The following FGGY variants were observed in gnomAD, a reference collection of about 807,000 sequenced individuals.
FGGY encodes FGGY carbohydrate kinase domain containing.
FGGY carries 72 observed loss-of-function variants against 71.3 expected under a neutral mutation model. That is an observed-to-expected ratio of 1.01 (90% CI 0.84 to 1.23). The LOEUF (loss-of-function observed/expected upper bound fraction) is 1.23. FGGY is among the 50% of genes most tolerant of loss of function. The pLI is 0.00. For synonymous variants in FGGY, 251 were observed against 250.3 expected, an observed-to-expected ratio of 1.00 and a Z score of -0.02; for missense variants, 668 against 682.3, an observed-to-expected ratio of 0.98 and a Z score of 0.23.
chr1:59,686,691 G>A (rs2097546856), intron 14 of FGGY, among the ~76,000 whole-genome samples: 1 of 151,790 alleles, frequency 6.6e-6, no homozygotes, highest in Non-Finnish European at 1.5e-5. Flanking sequence ...TTCATATTCA[G>A]CTTATCTAGT....
At chr1:59,478,836 T>A (rs1432600431) in intron 6 of FGGY, among the ~76,000 whole-genome samples, 1 of 152,148 alleles carries the variant, frequency 6.6e-6, no homozygotes, top group Non-Finnish European at 1.5e-5. Flanking sequence ...AGGCTAAGGA[T>A]GTACCTGCCA....
rs116240419 is a variant in FGGY at position 59,625,474 on chromosome 1, A to G, written c.1012-514A>G. 7.9e-3 allele frequency among the ~76,000 whole-genome samples: 1,197 copies of G among 152,040 alleles called. 18 individuals carry two copies. Among genetic ancestry groups the G allele is most frequent in the African/African-American group, 0.028 (1,143 of 41,480 alleles). ...GGCATCTCAATTTTTTTTAACTGAG[A>G]GTTTCAAAAAATTTTTTTAATGAGG... On this transcript the variant is annotated intron_variant, in intron 9 of 15. Transcript: ENST00000303721.
At chr1:59,648,720 G>C (rs1572615749) in intron 11 of FGGY, among the ~76,000 whole-genome samples, 1 of 151,124 alleles carries the variant, frequency 6.6e-6, no homozygotes. Context: ...TCTGATGGTA[G>C]TTTCTTTTGC....
intron 14 of FGGY, among the ~76,000 whole-genome samples, chr1:59,702,118 C>T (rs765965491): frequency 6.6e-6 from 1 of 152,136 alleles, no homozygotes; most frequent in African/African-American, 2.4e-5. Context: ...AAACCATCAG[C>T]TCTCGTGAGA....
At position 59,739,321 on chromosome 1, in the gene FGGY, T is replaced by C. The variant is rs145015795; in HGVS notation, c.1513-18610T>C. On this transcript the variant is annotated intron_variant, in intron 14 of 15. Coordinates refer to ENST00000303721, the MANE Select transcript of FGGY (RefSeq NM_018291.5). ...TTTTAATTGCTTGGTAGAGATAAGT[T>C]TGGCTTCTGCAAATAAACTAGCAAA... Among the ~76,000 whole-genome samples, 293 of 152,328 alleles carry C rather than the reference T, an allele frequency of 1.9e-3. 2 individuals are homozygous for C. The highest frequency in any genetic ancestry group is 6.7e-3 in the African/African-American group (278 of 41,566).
At chr1:59,627,102 G>A (rs2096864230) in intron 10 of FGGY, among the ~76,000 whole-genome samples, 1 of 151,864 alleles carries the variant, frequency 6.6e-6, no homozygotes, top group South Asian at 2.1e-4. Context: ...GTTGGCATGG[G>A]CAAAATGAAA....
chr1:59,573,417 A>G (rs954304671), intron 8 of FGGY, among the ~76,000 whole-genome samples: 1 of 152,106 alleles, frequency 6.6e-6, no homozygotes. Context: ...CAAATGGTTC[A>G]GAAAAACTAC....
chr1:59,650,807 T>G (rs1378615752), intron 11 of FGGY, among the ~76,000 whole-genome samples: 1 of 145,146 alleles, frequency 6.9e-6, no homozygotes, highest in Non-Finnish European at 1.5e-5. Context: ...TGAATGTGTT[T>G]GCTCTTGCTT....
chr1:59,298,265 C>T (rs554685260), intron 1 of FGGY, among the ~76,000 whole-genome samples: 1 of 152,190 alleles, frequency 6.6e-6, no homozygotes, highest in South Asian at 2.1e-4. Context: ...GACCTGATGG[C>T]CACTGGCCTG....
At chr1:59,708,243 CTTTTCCTCCCATTTCATTTTTT>C (rs1285849178) in intron 14 of FGGY, among the ~76,000 whole-genome samples, 1 of 152,152 alleles carries the variant, frequency 6.6e-6, no homozygotes, top group Non-Finnish European at 1.5e-5. Flanking sequence ...CCCATCTATT[CTTTTCCTCCCATTTCATTTTTT>C]TTTTCCTCAT....
intron 4 of FGGY, among the ~76,000 whole-genome samples, chr1:59,372,641 A>C (rs928800901): frequency 1.6e-4 from 25 of 152,344 alleles, no homozygotes; most frequent in Admixed American, 3.3e-4. Context: ...CTTGATGAAC[A>C]TTGATGCAAA....
chr1:59,499,299 G>GTTTTTTTTTTTTT (rs58170089), intron 6 of FGGY, among the ~76,000 whole-genome samples: 10,460 of 104,024 alleles, frequency 0.1, 1,377 homozygotes, highest in Non-Finnish European at 0.14. Flanking sequence ...TACTATGTTT[G>GTTTTTTTTTTTTT]TTTTTTTTTT....
At chr1:59,686,313 A>G (rs1230697480) in intron 14 of FGGY, among the ~76,000 whole-genome samples, 2 of 152,192 alleles carry the variant, frequency 1.3e-5, no homozygotes, top group Admixed American at 1.3e-4. Flanking sequence ...AAAGCTTTTT[A>G]CAAGCCTGGC....
At chr1:59,372,011 G>A (rs1393472264) in intron 4 of FGGY, among the ~76,000 whole-genome samples, 3 of 151,950 alleles carry the variant, frequency 2.0e-5, no homozygotes, top group African/African-American at 7.3e-5. Flanking sequence ...AGAAAAGCAA[G>A]AGCAAACACA....
At position 59,582,902 on chromosome 1, in the gene FGGY, G is replaced by C. The variant is rs531376137; in HGVS notation, c.904-24901G>C. Among the ~76,000 whole-genome samples the C allele has an allele frequency of 2.1e-4, 32 of 150,202 alleles. 1 individual carries two copies. The highest frequency in any genetic ancestry group is 1.6e-3 in the Admixed American group (24 of 15,186). ...TGAGGCAAACATTAGAGATGTGATG[G>C]TGTTGAATACTCATCGTTTTTGATA... On this transcript the variant is annotated intron_variant, in intron 8 of 15. Transcript: ENST00000303721.
At chr1:59,548,412 T>C (rs906998516) in intron 7 of FGGY, among the ~76,000 whole-genome samples, 2 of 152,154 alleles carry the variant, frequency 1.3e-5, no homozygotes, top group Non-Finnish European at 2.9e-5. Flanking sequence ...TCCACCTAAA[T>C]CTCATTTAAT....
At chr1:59,624,387 C>G (rs6674779) in intron 9 of FGGY, among the ~76,000 whole-genome samples, 1 of 152,044 alleles carries the variant, frequency 6.6e-6, no homozygotes, top group South Asian at 2.1e-4. Flanking sequence ...AGTATCTTCT[C>G]CATAGGAGTG....
intron 6 of FGGY, among the ~76,000 whole-genome samples, chr1:59,497,967 C>G (rs752767508): frequency 4.6e-5 from 7 of 152,118 alleles, no homozygotes; most frequent in Non-Finnish European, 7.3e-5. Context: ...GTTACATTTC[C>G]CTGAAAGAGC....
chr1:59,714,973 G>C (rs774174157), intron 14 of FGGY, among the ~76,000 whole-genome samples: 60 of 152,276 alleles, frequency 3.9e-4, no homozygotes, highest in Non-Finnish European at 7.5e-4. Context: ...GAACAACTTG[G>C]AGCAAGCTTG....
Sources: allele counts gnomAD v4.1 joint callset (sites outside exome capture counted in the v4.1 genomes callset), GRCh38; gene constraint gnomAD v4.1.1; transcripts MANE v1.5; gene names NCBI Gene and HGNC (gene_info 2026-07-23, HGNC 2026-07-21).